The following INAVA variants were observed in gnomAD, a reference collection of about 807,000 sequenced individuals.
The protein encoded by INAVA is innate immunity activator protein.
In INAVA, 32 loss-of-function variants were observed where a neutral mutation model predicts 55.3. The observed-to-expected ratio is 0.58, with a 90% CI of 0.44 to 0.78. The LOEUF (loss-of-function observed/expected upper bound fraction) is 0.78, where lower values mean the gene tolerates loss of function less well. Ranked by LOEUF, INAVA falls within the 30% of genes least tolerant of loss-of-function variation. The pLI, the probability that INAVA is intolerant of heterozygous loss-of-function variation, is 0.00. For synonymous variants in INAVA, 294 were observed against 329.4 expected (o/e 0.89, Z 1.16); for missense variants, 756 against 786.4 (o/e 0.96, Z 0.46).
Position 200,908,857 on chromosome 1 carries a change from C to T in INAVA, c.702C>T (p.Val234=), listed in dbSNP as rs1365466678. The change falls in exon 7 of 10, where the codon GTC becomes GTT. Residue 234 remains valine, a synonymous_variant. Coordinates refer to ENST00000413687, the MANE Select transcript of INAVA (RefSeq NM_001142569.3). ...CTGGGAGCCCAGAACGGGCTCCAGTCCAGAACAGCCCCTGGAAGGAAACCA... is the reference window on the plus strand; with the variant it reads ...CTGGGAGCCCAGAACGGGCTCCAGTTCAGAACAGCCCCTGGAAGGAAACCA... ...PEAGSPERAP[V]QNSPWKETSL... 1 of 1,613,892 alleles carries T rather than the reference C, an allele frequency of 6.2e-7. No homozygotes were observed. The highest frequency in any genetic ancestry group is 1.3e-5 in the African/African-American group (1 of 74,890).
rs1571861906 is a variant in INAVA, at chr1:200,899,739, C to A, written c.180+142C>A. The A allele has an allele frequency of 4.9e-6, 6 of 1,229,362 alleles. 1 individual carries two copies. Among genetic ancestry groups the A allele is most frequent in the Middle Eastern group, 2.8e-4 (1 of 3,536 alleles). The allele number at this position is 1,229,362 out of a possible 1,614,324, so 76.2% of individuals were successfully genotyped here. A position where few individuals can be genotyped will look rare whatever the true frequency, so the allele number is the denominator to read the frequency against. Reference sequence around the variant, plus strand: ...CAGGCTGGGGGCTGGGGCCCAGAGTCCCCATGATGCAGTGTTTGACCTTGT... The same window carrying A: ...CAGGCTGGGGGCTGGGGCCCAGAGTACCCATGATGCAGTGTTTGACCTTGT... On this transcript the variant is annotated intron_variant, in intron 3 of 9. Coordinates refer to ENST00000413687, the MANE Select transcript of INAVA (RefSeq NM_001142569.3).
At chr1:200,892,718 C>T (rs975668763), upstream of INAVA, among the ~76,000 whole-genome samples, 1 of 152,170 alleles carries the variant, frequency 6.6e-6, no homozygotes, top group Non-Finnish European at 1.5e-5. Flanking sequence ...GTGCCCACCT[C>T]CCCCATTGGT....
intron 7 of INAVA, 120 bp from the exon 8 acceptor site, chr1:200,909,104 G>A: frequency 7.6e-7 from 1 of 1,320,344 alleles, no homozygotes; most frequent in Non-Finnish European, 1.0e-6. Flanking sequence ...CCCCAAGGGT[G>A]CTGGCAGTTT....
At chr1:200,891,722 G>T (rs1054706560), upstream of INAVA, 14 of 1,438,104 alleles carry the variant, frequency 9.7e-6, no homozygotes, top group African/African-American at 1.5e-5. Context: ...AAACTTCGGG[G>T]CACCCAGTGC....
At chr1:200,912,691 T>C (rs528614719) in intron 9 of INAVA, among the ~76,000 whole-genome samples, 1 of 152,312 alleles carries the variant, frequency 6.6e-6, no homozygotes, top group African/African-American at 2.4e-5. Context: ...ACTTACGAGC[T>C]GTATGATTGG....
chr1:200,899,168 A>G (rs1477046863), intron 2 of INAVA, among the ~76,000 whole-genome samples: 1 of 151,656 alleles, frequency 6.6e-6, no homozygotes, highest in African/African-American at 2.4e-5. Flanking sequence ...AAGAGGAAGA[A>G]GAAGGGAGGA....
At chr1:200,899,875 C>T (rs760934185) in intron 3 of INAVA, among the ~76,000 whole-genome samples, 11 of 152,270 alleles carry the variant, frequency 7.2e-5, no homozygotes, top group Middle Eastern at 3.4e-3. Context: ...TGCTGTAACC[C>T]GGGTCGGTGT....
chr1:200,913,947 A>G lies in INAVA; in HGVS notation c.*318A>G. 1 of 298,278 alleles carries G rather than the reference A, an allele frequency of 3.4e-6. No individual in the cohort carries two copies. Among genetic ancestry groups the G allele is most frequent in the South Asian group, 5.4e-5 (1 of 18,686 alleles). 18.5% of individuals were successfully genotyped at this position (298,278 alleles called of 1,614,324 possible). On this transcript the variant is annotated 3_prime_UTR_variant, in exon 10 of 10. Coordinates refer to ENST00000413687, the MANE Select transcript of INAVA (RefSeq NM_001142569.3). ...AAGACAAGTGGCAGGGGACGAGTGA[A>G]GCAGAGTGAGCCACCTTGGGAGTTC...
chr1:200,907,781 C>T (rs377493960), intron 5 of INAVA, 53 bp from the exon 6 acceptor site: 27 of 1,509,994 alleles, frequency 1.8e-5, no homozygotes, highest in Non-Finnish European at 2.3e-5. Context: ...TTACTCATAT[C>T]TGTTTGTTCA....
At position 200,908,835 on chromosome 1, in the gene INAVA, G is replaced by C. The variant is rs747508559; in HGVS notation, c.680G>C (p.Gly227Ala). 6.2e-7 allele frequency: 1 copy of C among 1,613,994 alleles called. No individual in the cohort carries two copies. Among genetic ancestry groups the C allele is most frequent in the South Asian group, 1.1e-5 (1 of 91,052 alleles). ...CTGCAGCCAACAGGACCTGAGGCTG[G>C]GAGCCCAGAACGGGCTCCAGTCCAG... is the stretch of plus-strand genomic sequence containing the variant. ...EGLQPTGPEA[G>A]SPERAPVQNS... The change falls in exon 7 of 10, where the codon GGG becomes GCG. Residue 227 changes from glycine to alanine, a missense_variant. Physicochemically the swap from Gly to Ala is moderately conservative, Grantham distance 60. Transcript: ENST00000413687.
At chr1:200,893,074 C>A (rs996740809), upstream of INAVA, among the ~76,000 whole-genome samples, 1 of 152,156 alleles carries the variant, frequency 6.6e-6, no homozygotes, top group African/African-American at 2.4e-5. Flanking sequence ...TTTCACCAAC[C>A]TTTAACAGAT....
intron 6 of INAVA, chr1:200,908,104 T>C: frequency 2.2e-6 from 1 of 455,292 alleles, no homozygotes; most frequent in South Asian, 3.9e-5. Flanking sequence ...TGGAAGCTCA[T>C]TATTTTTACA....
chr1:200,912,156 G>A lies in INAVA; in HGVS notation c.1644+19G>A. 1.3e-6 allele frequency: 2 copies of A among 1,536,880 alleles called. No individual in the cohort carries two copies. The highest frequency in any genetic ancestry group is 8.8e-7 in the Non-Finnish European group (1 of 1,142,084). Reference sequence around the variant, plus strand: ...GGCACAGGTACGGCTGCTCTGGAGGGACCCCGGGGCCAGGCAGGAGGGCTG... The same window carrying A: ...GGCACAGGTACGGCTGCTCTGGAGGAACCCCGGGGCCAGGCAGGAGGGCTG... On this transcript the variant is annotated intron_variant, in intron 9 of 9. Coordinates refer to ENST00000413687, the MANE Select transcript of INAVA (RefSeq NM_001142569.3).
At chr1:200,904,252 C>T (rs1653396763) in intron 5 of INAVA, among the ~76,000 whole-genome samples, 1 of 152,108 alleles carries the variant, frequency 6.6e-6, no homozygotes, top group Non-Finnish European at 1.5e-5. Context: ...CCACGCCCAG[C>T]TAATTTTTGT....
At position 200,907,907 on chromosome 1, in the gene INAVA, G is replaced by T; in HGVS notation, c.574+20G>T. On this transcript the variant is annotated intron_variant, in intron 6 of 9. Transcript: ENST00000413687. Reference sequence around the variant, plus strand: ...AGGAAGGTGAGAAGGACGTTTGGGGGACTATTGTCAAGGCTGGACTCCTAC... The same window carrying T: ...AGGAAGGTGAGAAGGACGTTTGGGGTACTATTGTCAAGGCTGGACTCCTAC... 6.2e-7 allele frequency: 1 copy of T among 1,606,444 alleles called. No individual in the cohort carries two copies. Among genetic ancestry groups the T allele is most frequent in the Non-Finnish European group, 8.5e-7 (1 of 1,174,016 alleles).
At chr1:200,893,569 G>C (rs1408139143), upstream of INAVA, among the ~76,000 whole-genome samples, 2 of 152,228 alleles carry the variant, frequency 1.3e-5, no homozygotes, top group African/African-American at 4.8e-5. Context: ...GGCTCTTTGG[G>C]AGACCCAGAG....
intron 5 of INAVA, 88 bp downstream of exon 5, chr1:200,901,247 A>G: frequency 7.8e-7 from 1 of 1,286,274 alleles, no homozygotes; most frequent in Non-Finnish European, 1.0e-6. Flanking sequence ...CTGCCTTTGC[A>G]TTTGGCTCCA....
chr1:200,912,198 C>T (rs1280668096), intron 9 of INAVA, 61 bp downstream of exon 9: 11 of 1,424,564 alleles, frequency 7.7e-6, no homozygotes, highest in Non-Finnish European at 8.5e-6. Context: ...TGGGGAGGGG[C>T]TGCAATTCTA....
chr1:200,910,930 C>T (rs187209347), intron 8 of INAVA, among the ~76,000 whole-genome samples: 136 of 152,242 alleles, frequency 8.9e-4, no homozygotes, highest in Middle Eastern at 6.8e-3. Context: ...AGCTTTTACA[C>T]GTTCAAGTAA....
Sources: allele counts gnomAD v4.1 joint callset (sites outside exome capture counted in the v4.1 genomes callset), GRCh38; gene constraint gnomAD v4.1.1; transcripts MANE v1.5; gene names NCBI Gene and HGNC (gene_info 2026-07-23, HGNC 2026-07-21).